The following CACNA1F variants were observed in gnomAD, a reference collection of about 807,000 sequenced individuals.
The protein encoded by CACNA1F is voltage-dependent L-type calcium channel subunit alpha-1F.
CACNA1F carries 59 observed loss-of-function variants against 143.8 expected under a neutral mutation model. The observed-to-expected ratio is 0.41, with a 90% CI of 0.33 to 0.51. The LOEUF (loss-of-function observed/expected upper bound fraction) is 0.51. CACNA1F is among the 20% of genes least tolerant of loss of function. The pLI is 0.22. For synonymous variants in CACNA1F, 643 were observed against 649.1 expected, an observed-to-expected ratio of 0.99 and a Z score of 0.14; for missense variants, 1,411 against 1,647.5, an observed-to-expected ratio of 0.86 and a Z score of 2.48.
At chrX:49,230,705 A>G in intron 4 of CACNA1F, 96 bp from the exon 5 acceptor site, 2 of 1,080,523 alleles carry the variant, frequency 1.9e-6, no homozygotes, top group South Asian at 4.2e-5. Context: ...CCCTGTAACT[A>G]GAAATAGAAA....
At position 49,216,430 on chromosome X, in the gene CACNA1F, G is replaced by A. The variant is rs782730833; in HGVS notation, c.3188C>T (p.Ser1063Leu). Residue 1063 changes from serine (S) to leucine (L), a missense_variant, in exon 27 of 48, where the codon TCA becomes TTA. By Grantham distance (145) the Ser-to-Leu change is moderately radical (BLOSUM62 -2). Coordinates refer to ENST00000323022, the MANE Select transcript of CACNA1F (RefSeq NM_001256789.3). ...NSDFNFDNVL[S>L]AMMALFTVST... Reference sequence around the variant, plus strand: ...GACAGTGAACAGGGCCATCATGGCTGAAAGGACATTGTCAAAGTTGAAATC... The same window carrying A: ...GACAGTGAACAGGGCCATCATGGCTAAAAGGACATTGTCAAAGTTGAAATC... 15 of 1,210,139 alleles carry A rather than the reference G, an allele frequency of 1.2e-5. No individual in the cohort carries two copies. The highest frequency in any genetic ancestry group is 1.7e-5 in the Non-Finnish European group (15 of 894,255).
Position 49,210,604 on chromosome X carries a change from G to T in CACNA1F, c.4471C>A (p.Arg1491=). 1.7e-6 allele frequency: 2 copies of T among 1,209,552 alleles called. No homozygotes were observed. The highest frequency in any genetic ancestry group is 3.0e-5 in the East Asian group (1 of 33,816). The change falls in exon 38 of 48, where the codon CGA becomes AGA. Residue 1491 remains arginine, a synonymous_variant. Coordinates refer to ENST00000323022, the MANE Select transcript of CACNA1F (RefSeq NM_001256789.3). ...GGTGCACAGACCTTGCAGGCCACTC[G>T]GTGTGGGCACAGCTTCCCAAATCCC... ...PLGFGKLCPH[R]VACKRLVAMN...
chrX:49,207,747 AT>A (rs1188264737), intron 43 of CACNA1F, among the ~76,000 whole-genome samples: 1 of 109,565 alleles, frequency 9.1e-6, no homozygotes, highest in Admixed American at 9.7e-5. Context: ...ACACTCTGAA[AT>A]TTTTTTTTAA....
Position 49,215,556 on chromosome X carries a change from G to A in CACNA1F, c.3237-13C>T. 1 of 976,875 alleles carries A rather than the reference G, an allele frequency of 1.0e-6. No homozygotes were observed. The highest frequency in any genetic ancestry group is 2.0e-5 in the South Asian group (1 of 50,016). 80.5% of individuals were successfully genotyped at this position (976,875 alleles called of 1,213,427 possible). A position where few individuals can be genotyped will look rare whatever the true frequency, so the allele number is the denominator to read the frequency against. ...CTTGTATAGCAGTCTGTGGGAGCCAGAGGGGGGGTAGAGGTGGGGGCAGGT... is the reference window on the plus strand; with the variant it reads ...CTTGTATAGCAGTCTGTGGGAGCCAAAGGGGGGGTAGAGGTGGGGGCAGGT... On this transcript the variant is annotated splice_polypyrimidine_tract_variant and intron_variant, in intron 27 of 47. Transcript: ENST00000323022.
chrX:49,232,890 TC>T (rs1380817539), intron 1 of CACNA1F, among the ~76,000 whole-genome samples: 1 of 109,991 alleles, frequency 9.1e-6, no homozygotes, highest in Non-Finnish European at 1.9e-5. Flanking sequence ...AGTATTGACA[TC>T]CCGGGGTTGA....
chrX:49,206,118 C>A (rs924639443), intron 46 of CACNA1F, among the ~76,000 whole-genome samples: 1 of 110,796 alleles, frequency 9.0e-6, no homozygotes, highest in Non-Finnish European at 1.9e-5. Flanking sequence ...TGAGGCCAGG[C>A]GCGGTGGCTT....
In CACNA1F at chrX:49,231,768, A is replaced by G; in HGVS notation, c.185T>C (p.Val62Ala). 1 of 1,211,332 alleles carries G rather than the reference A, an allele frequency of 8.3e-7. No homozygotes were observed. The highest frequency in any genetic ancestry group is 1.7e-5 in the African/African-American group (1 of 57,908). ...CCGAGGTGACCGCTGGGCACTGGCCACTGCCACTGTCTTGTGCTTGCTGTG... is the reference window on the plus strand; with the variant it reads ...CCGAGGTGACCGCTGGGCACTGGCCGCTGCCACTGTCTTGTGCTTGCTGTG... ...NQHSKHKTVA[V>A]ASAQRSPRAL... The change falls in exon 2 of 48, where the codon GTG becomes GCG. Residue 62 changes from valine to alanine, a missense_variant. Val to Ala is a moderately conservative substitution (Grantham distance 64). Coordinates refer to ENST00000323022, the MANE Select transcript of CACNA1F (RefSeq NM_001256789.3).
Position 49,211,973 on chromosome X carries a change from G to C in CACNA1F, c.4025C>G (p.Ala1342Gly). ...VIGMQMFGKVALQDGTQINRN... is the reference protein window; with the variant it reads ...VIGMQMFGKVGLQDGTQINRN... ...GTTTATCTGTGTGCCATCCTGAAGA[G>C]CCACCTTGCCGAACATCTGTGGACA... is the stretch of plus-strand genomic sequence containing the variant. The change falls in exon 35 of 48, where the codon GCT becomes GGT. Residue 1342 changes from alanine to glycine, a missense_variant. Ala to Gly is a moderately conservative substitution (Grantham distance 60). This residue lies in a region of CACNA1F where 950 missense variants were observed against 1,128.1 expected (regional missense o/e 0.84). Coordinates refer to ENST00000323022, the MANE Select transcript of CACNA1F (RefSeq NM_001256789.3). The C allele has an allele frequency of 2.5e-6, 3 of 1,209,532 alleles. No homozygotes were observed. Among genetic ancestry groups the C allele is most frequent in the Middle Eastern group, 2.3e-4 (1 of 4,351 alleles).
rs368889312 is a variant in CACNA1F at position 49,215,560 on chromosome X, G to C, written c.3237-17C>G. 29 of 1,084,546 alleles carry C rather than the reference G, an allele frequency of 2.7e-5. No homozygotes were observed. Among genetic ancestry groups the C allele is most frequent in the Non-Finnish European group, 3.2e-5 (25 of 790,284 alleles). The allele number at this position is 1,084,546 out of a possible 1,213,427, so 89.4% of individuals were successfully genotyped here. On this transcript the variant is annotated splice_polypyrimidine_tract_variant and intron_variant, in intron 27 of 47. Transcript: ENST00000323022. ...TATAGCAGTCTGTGGGAGCCAGAGG[G>C]GGGGTAGAGGTGGGGGCAGGTGAGG...
intron 14 of CACNA1F, among the ~76,000 whole-genome samples, chrX:49,224,133 G>A (rs2065801934): frequency 9.0e-6 from 1 of 111,089 alleles, no homozygotes; most frequent in Admixed American, 9.7e-5. Flanking sequence ...TGGGGTTGGA[G>A]ATGGAGTTAA....
chrX:49,212,792 A>G lies in CACNA1F; in HGVS notation c.3817T>C (p.Ser1273Pro). The change falls in exon 33 of 48, where the codon TCT becomes CCT. Residue 1273 changes from serine to proline, a missense_variant. By Grantham distance (74) the Ser-to-Pro change is moderately conservative. Coordinates refer to ENST00000323022, the MANE Select transcript of CACNA1F (RefSeq NM_001256789.3). ...VNNGGHLGES[S>P]EDSSRISITF... Reference sequence around the variant, plus strand: ...ATGGAAATGCGGGAGCTGTCCTCAGAGCTCTGGGGTGAGGGGTGCAGTAGG... The same window carrying G: ...ATGGAAATGCGGGAGCTGTCCTCAGGGCTCTGGGGTGAGGGGTGCAGTAGG... 8.3e-7 allele frequency: 1 copy of G among 1,210,286 alleles called. No individual in the cohort carries two copies. Among genetic ancestry groups the G allele is most frequent in the Non-Finnish European group, 1.1e-6 (1 of 894,674 alleles).
chrX:49,228,098 A>G lies in CACNA1F; in HGVS notation c.1056T>C (p.Phe352=). The G allele has an allele frequency of 5.8e-6, 7 of 1,211,045 alleles. No homozygotes were observed. Among genetic ancestry groups the G allele is most frequent in the Non-Finnish European group, 7.8e-6 (7 of 894,821 alleles). ...AGGACCCAAAGATGACAAGGCTCACAAAGTACACCCAGGGCAGTTCATACC... is the reference window on the plus strand; with the variant it reads ...AGGACCCAAAGATGACAAGGCTCACGAAGTACACCCAGGGCAGTTCATACC... ...AMGYELPWVY[F]VSLVIFGSFF... Residue 352 remains phenylalanine, a synonymous_variant, in exon 8 of 48, where the codon TTT becomes TTC. Transcript: ENST00000323022.
intron 6 of CACNA1F, among the ~76,000 whole-genome samples, chrX:49,228,946 G>A (rs1485544766): frequency 8.9e-6 from 1 of 112,088 alleles, no homozygotes; most frequent in Non-Finnish European, 1.9e-5. Context: ...GAACCACTGG[G>A]AAGCTAGGGA....
intron 8 of CACNA1F, among the ~76,000 whole-genome samples, chrX:49,227,533 C>T (rs1557110336): frequency 1.8e-5 from 2 of 111,789 alleles, no homozygotes. Context: ...ACTATGTTGC[C>T]CAGGCTGGTC....
At position 49,221,232 on chromosome X, in the gene CACNA1F, GCCTGTTAAAC is replaced by G. The variant is rs782498375; in HGVS notation, c.2289-162_2289-153del. On this transcript the variant is annotated intron_variant, in intron 17 of 47. Coordinates refer to ENST00000323022, the MANE Select transcript of CACNA1F (RefSeq NM_001256789.3). Reference sequence around the variant, plus strand: ...TCCGTTCTCAAAGCAGCCAGAGGGAGCCTGTTAAACCCTGTCTGGGATATCCCAACTCTGC... The same window carrying G: ...TCCGTTCTCAAAGCAGCCAGAGGGAGCCTGTCTGGGATATCCCAACTCTGC... The G allele has an allele frequency of 1.8e-5, 9 of 508,801 alleles. No individual in the cohort carries two copies. The African/African-American group carries it at 2.1e-4, about 12-fold the overall frequency. 41.9% of individuals were successfully genotyped at this position (508,801 alleles called of 1,213,427 possible). A position where few individuals can be genotyped will look rare whatever the true frequency, so the allele number is the denominator to read the frequency against.
In CACNA1F at chrX:49,205,188, G is replaced by C. The variant is rs782204093; in HGVS notation, c.5850C>G (p.Arg1950=). ...CGTCTCCCAAGTCCTCCTCATCGAA[G>C]CGGGAGAGGATGGACTCCTCGTCGC... ...LYSDEESILS[R]FDEEDLGDEM... Residue 1950 remains arginine (R), a synonymous_variant, in exon 48 of 48, where the codon CGC becomes CGG. Transcript: ENST00000323022. 1.7e-6 allele frequency: 2 copies of C among 1,209,335 alleles called. No individual in the cohort carries two copies. The highest frequency in any genetic ancestry group is 3.0e-5 in the East Asian group (1 of 33,751).
At chrX:49,211,574 A>G in intron 35 of CACNA1F, 93 bp from the exon 36 acceptor site, 1 of 752,791 alleles carries the variant, frequency 1.3e-6, no homozygotes, top group Non-Finnish European at 2.1e-6. Context: ...TGAGGAGATG[A>G]CCTACTTCTC....
chrX:49,228,726 G>A (rs1297811408), intron 6 of CACNA1F, among the ~76,000 whole-genome samples: 2 of 112,439 alleles, frequency 1.8e-5, no homozygotes, highest in Non-Finnish European at 3.8e-5. Flanking sequence ...CACAACGCCC[G>A]GCTAATTTTT....
chrX:49,205,538 C>T (rs2065585188), intron 47 of CACNA1F, 78 bp downstream of exon 47: 2 of 1,015,310 alleles, frequency 2.0e-6, no homozygotes, highest in Non-Finnish European at 2.7e-6. Flanking sequence ...GACCTGGGGA[C>T]TCCTTTCCGT....
Sources: allele counts gnomAD v4.1 joint callset (sites outside exome capture counted in the v4.1 genomes callset), GRCh38; gene constraint gnomAD v4.1.1; regional missense constraint gnomAD v4.1.1; transcripts MANE v1.5; gene names NCBI Gene and HGNC (gene_info 2026-07-23, HGNC 2026-07-21).